The following ITFG1 variants were observed in gnomAD, a reference collection of about 807,000 sequenced individuals.
ITFG1 encodes T-cell immunomodulatory protein.
In ITFG1, 34 loss-of-function variants were observed where a neutral mutation model predicts 81.8. That is an observed-to-expected ratio of 0.42 (90% confidence interval 0.32 to 0.55). The LOEUF (loss-of-function observed/expected upper bound fraction) is 0.55. ITFG1 is among the 20% of genes least tolerant of loss of function. The pLI, the probability that ITFG1 is intolerant of heterozygous loss-of-function variation, is 0.17. For missense variants in ITFG1, 672 were observed against 755.4 expected (o/e 0.89, Z 1.29); for synonymous variants, 285 against 270.6 (o/e 1.05, Z -0.52).
intron 10 of ITFG1, among the ~76,000 whole-genome samples, chr16:47,276,634 C>G (rs1481223547): frequency 6.6e-6 from 1 of 151,992 alleles, no homozygotes; most frequent in Non-Finnish European, 1.5e-5. Context: ...TATTTTAGAG[C>G]TAGAATGATT....
intron 7 of ITFG1, among the ~76,000 whole-genome samples, chr16:47,374,879 T>C (rs909244066): frequency 6.6e-6 from 1 of 151,970 alleles, no homozygotes; most frequent in African/African-American, 2.4e-5. Flanking sequence ...GAGATCTGAG[T>C]CATGACCAGC....
chr16:47,379,101 A>G (rs1159003883), intron 6 of ITFG1, among the ~76,000 whole-genome samples: 1 of 152,102 alleles, frequency 6.6e-6, no homozygotes, highest in African/African-American at 2.4e-5. Flanking sequence ...CCCTTTCTGG[A>G]CTAGTCTGCA....
chr16:47,421,303 C>T (rs999553847), intron 6 of ITFG1, among the ~76,000 whole-genome samples: 1 of 145,124 alleles, frequency 6.9e-6, no homozygotes. Context: ...CACACACACA[C>T]ACATACATAT....
At chr16:47,409,387 TATATATATATATATA>T (rs1292282913) in intron 6 of ITFG1, among the ~76,000 whole-genome samples, 38 of 14,592 alleles carry the variant, frequency 2.6e-3, no homozygotes, top group Non-Finnish European at 3.8e-3. Context: ...TATATATATA[TATATATATATATATA>T]TATTTTTTTT....
At chr16:47,402,687 C>T (rs530309850) in intron 6 of ITFG1, among the ~76,000 whole-genome samples, 64 of 152,096 alleles carry the variant, frequency 4.2e-4, no homozygotes, top group Non-Finnish European at 7.1e-4. Context: ...TTTATAGACT[C>T]GATTTGCTGG....
At chr16:47,335,280 C>T (rs1967688114) in intron 8 of ITFG1, among the ~76,000 whole-genome samples, 1 of 152,086 alleles carries the variant, frequency 6.6e-6, no homozygotes, top group African/African-American at 2.4e-5. Context: ...TCATTTGAAC[C>T]TGGGAGGCGG....
rs1431584621 is a variant in ITFG1, at chr16:47,260,567, G to T, written c.1199C>A (p.Thr400Asn). 1 of 1,614,140 alleles carries T rather than the reference G, an allele frequency of 6.2e-7. No individual in the cohort carries two copies. The highest frequency in any genetic ancestry group is 8.5e-7 in the Non-Finnish European group (1 of 1,180,004). Residue 400 changes from threonine to asparagine, a missense_variant, in exon 11 of 18, where the codon ACC (threonine) becomes AAC (asparagine). Physicochemically the swap from Thr to Asn is moderately conservative, Grantham distance 65. Around this residue, in one of 3 missense-constraint regions of ITFG1, gnomAD observed 560 missense variants for 625.7 expected, o/e 0.90. Coordinates refer to ENST00000320640, the MANE Select transcript of ITFG1 (RefSeq NM_030790.5). ...CACATCTTCGTAAATGTCAAAGAAG[G>T]TGGCAACCATGGCATCCTTAATTTG... Reference protein sequence around the residue: ...LNQIKDAMVATFFDIYEDGIL... With the variant: ...LNQIKDAMVANFFDIYEDGIL...
intron 6 of ITFG1, among the ~76,000 whole-genome samples, chr16:47,389,591 A>G (rs1169245845): frequency 6.6e-6 from 1 of 152,224 alleles, no homozygotes; most frequent in Non-Finnish European, 1.5e-5. Flanking sequence ...AAAATTATAT[A>G]AAGTAATAAT....
At chr16:47,239,531 T>C (rs2151534582) in intron 12 of ITFG1, among the ~76,000 whole-genome samples, 1 of 152,242 alleles carries the variant, frequency 6.6e-6, no homozygotes, top group African/African-American at 2.4e-5. Flanking sequence ...GCAGCCTAAA[T>C]GGACTAAGAT....
At chr16:47,165,045 T>C (rs748078495) in intron 14 of ITFG1, among the ~76,000 whole-genome samples, 2 of 152,246 alleles carry the variant, frequency 1.3e-5, no homozygotes, top group African/African-American at 4.8e-5. Context: ...GGTTGGCCAG[T>C]ATTTTTGTTG....
At chr16:47,317,910 C>G (rs913008123) in intron 8 of ITFG1, 1 of 152,104 alleles carries the variant, frequency 6.6e-6, no homozygotes, top group Non-Finnish European at 1.5e-5. Context: ...AATCTCATGT[C>G]TTTTAGACAC....
chr16:47,330,041 G>C (rs1267087854), intron 8 of ITFG1, among the ~76,000 whole-genome samples: 1 of 152,004 alleles, frequency 6.6e-6, no homozygotes, highest in Non-Finnish European at 1.5e-5. Context: ...GAACATAAAT[G>C]AAAGAGTGAC....
At chr16:47,438,618 G>A (rs1220904890) in intron 5 of ITFG1, among the ~76,000 whole-genome samples, 1 of 152,228 alleles carries the variant, frequency 6.6e-6, no homozygotes, top group Admixed American at 6.5e-5. Context: ...ACCTGCAGAT[G>A]AGGGTCCTGA....
chr16:47,423,447 T>G (rs546389578), intron 6 of ITFG1, among the ~76,000 whole-genome samples: 1 of 152,308 alleles, frequency 6.6e-6, no homozygotes, highest in Non-Finnish European at 1.5e-5. Context: ...AGATTGATAT[T>G]GTTATGTCTG....
intron 14 of ITFG1, among the ~76,000 whole-genome samples, chr16:47,209,463 T>TA (rs1266505337): frequency 6.6e-6 from 1 of 152,198 alleles, no homozygotes; most frequent in Non-Finnish European, 1.5e-5. Flanking sequence ...CCACAGATCT[T>TA]ACAGTGATTT....
At chr16:47,340,195 T>C (rs1334166901) in intron 8 of ITFG1, among the ~76,000 whole-genome samples, 1 of 151,976 alleles carries the variant, frequency 6.6e-6, no homozygotes, top group Non-Finnish European at 1.5e-5. Context: ...ACCTGCTATA[T>C]GAGAAATGCT....
chr16:47,277,066 C>T (rs2151548540), intron 10 of ITFG1, among the ~76,000 whole-genome samples: 1 of 152,272 alleles, frequency 6.6e-6, no homozygotes, highest in Middle Eastern at 3.4e-3. Context: ...TCCCTATTCT[C>T]TCCCATTTTG....
intron 8 of ITFG1, among the ~76,000 whole-genome samples, chr16:47,348,926 A>T (rs1478123346): frequency 6.6e-6 from 1 of 152,208 alleles, no homozygotes; most frequent in Non-Finnish European, 1.5e-5. Context: ...AAAGAAAAGA[A>T]TTTTTAACCC....
At chr16:47,388,985 C>T (rs952915818) in intron 6 of ITFG1, among the ~76,000 whole-genome samples, 1 of 152,118 alleles carries the variant, frequency 6.6e-6, no homozygotes, top group Admixed American at 6.5e-5. Context: ...TGTAATGCTG[C>T]CTTTGTTCCT....
Sources: gnomAD v4.1 joint callset for allele counts (sites outside exome capture counted in the v4.1 genomes callset) on GRCh38, gnomAD v4.1.1 for gene constraint, gnomAD v4.1.1 regional missense constraint, MANE v1.5 for transcripts, NCBI Gene and HGNC (gene_info 2026-07-23, HGNC 2026-07-21) for gene names.